Variants in ITGA3 observed in about 807,000 individuals in gnomAD.
ITGA3 encodes integrin subunit alpha 3.
Under a neutral mutation model 131.1 loss-of-function variants are expected in ITGA3, and 70 were observed. The observed-to-expected ratio is 0.53, with a 90% CI of 0.44 to 0.65. The LOEUF is 0.65. ITGA3 is among the 30% of genes least tolerant of loss of function. The probability of loss-of-function intolerance (pLI) is 0.00; values close to 1 mark genes in which losing one functional copy is unlikely to be tolerated. For synonymous variants in ITGA3, 537 were observed against 571.6 expected, an observed-to-expected ratio of 0.94 and a Z score of 0.86; for missense variants, 1,098 against 1,388.6, an observed-to-expected ratio of 0.79 and a Z score of 3.33.
At chr17:50,069,091 G>T (rs1164046714) in intron 4 of ITGA3, among the ~76,000 whole-genome samples, 1 of 151,710 alleles carries the variant, frequency 6.6e-6, no homozygotes, top group African/African-American at 2.4e-5. Flanking sequence ...CTCGTGATCC[G>T]CTCACCTCGG....
chr17:50,066,230 G>C (rs1470134742), intron 3 of ITGA3, among the ~76,000 whole-genome samples: 1 of 151,834 alleles, frequency 6.6e-6, no homozygotes, highest in Non-Finnish European at 1.5e-5. Flanking sequence ...CTGGGCTCAA[G>C]TGATCCTCCT....
chr17:50,088,453 G>A, intron 25 of ITGA3, 87 bp downstream of exon 25: 1 of 694,814 alleles, frequency 1.4e-6, no homozygotes, highest in Non-Finnish European at 2.5e-6. Context: ...TCCCTTATGG[G>A]CCTGCTCTGA....
intron 12 of ITGA3, 54 bp from the exon 13 acceptor site, chr17:50,076,272 C>A: frequency 6.3e-7 from 1 of 1,575,348 alleles, no homozygotes; most frequent in African/African-American, 1.3e-5. Flanking sequence ...TGTGAGGATT[C>A]AGCTGGGGCA....
chr17:50,056,380 C>A lies in ITGA3; in HGVS notation c.-60C>A. ...GGCGCGGGGAGCAGGTGAACAGGTC[C>A]TCACGCCCAGCTCCGCGCCCTCACG... On this transcript the variant is annotated 5_prime_UTR_variant, in exon 1 of 26. Transcript: ENST00000320031. This position sits in a 1 kb window ranked among gnomAD's most constrained non-coding sequence, Gnocchi z 5.6. 2 of 1,280,818 alleles carry A rather than the reference C, an allele frequency of 1.6e-6. No homozygotes were observed. The highest frequency in any genetic ancestry group is 1.7e-5 in the South Asian group (1 of 60,126). 79.3% of individuals were successfully genotyped at this position (1,280,818 alleles called of 1,614,324 possible).
Position 50,071,398 on chromosome 17 carries a change from C to T in ITGA3, c.839C>T (p.Ala280Val), listed in dbSNP as rs141797951. 73 of 1,614,072 alleles carry T rather than the reference C, an allele frequency of 4.5e-5. No individual in the cohort carries two copies. Among genetic ancestry groups the T allele is most frequent in the Middle Eastern group, 1.6e-4 (1 of 6,082 alleles). The change falls in exon 6 of 26, where the codon GCG (alanine) becomes GTG (valine). Residue 280 changes from alanine (A) to valine (V), a missense_variant. Ala to Val is a moderately conservative substitution (Grantham distance 64). Around this residue, in one of 3 missense-constraint regions of ITGA3, gnomAD observed 356 missense variants for 529.2 expected, o/e 0.67. Transcript: ENST00000320031. ...GCCCCACGGCACCGACATATGGGCG[C>T]GGTGTTCTTGCTGAGCCAGGAGGCA... ...TGAPRHRHMG[A>V]VFLLSQEAGG...
chr17:50,073,630 A>ACG (rs1435344749), intron 7 of ITGA3, among the ~76,000 whole-genome samples: 3 of 142,360 alleles, frequency 2.1e-5, no homozygotes, highest in Non-Finnish European at 4.6e-5. Context: ...ACACACACAC[A>ACG]CACGCACACA....
intron 5 of ITGA3, 78 bp from the exon 6 acceptor site, chr17:50,071,233 G>A (rs1048953480): frequency 7.8e-7 from 1 of 1,273,980 alleles, no homozygotes; most frequent in South Asian, 1.3e-5. Context: ...GGCAAGAGAG[G>A]GAATAGGGAG....
chr17:50,089,730 C>G lies in ITGA3; in HGVS notation c.*652C>G, dbSNP rs553754630. ...TCAAAACTACTGACAGGGAGCAGCC[C>G]CCGGGCCGCTGGCTGGTGGGCCCCC... On this transcript the variant is annotated 3_prime_UTR_variant, in exon 26 of 26. Coordinates refer to ENST00000320031, the MANE Select transcript of ITGA3 (RefSeq NM_002204.4). 6 of 172,982 alleles carry G rather than the reference C, an allele frequency of 3.5e-5. No individual in the cohort carries two copies. The highest frequency in any genetic ancestry group is 1.4e-4 in the African/African-American group (6 of 42,534). The allele number at this position is 172,982 out of a possible 1,614,324, so 10.7% of individuals were successfully genotyped here. A position where few individuals can be genotyped will look rare whatever the true frequency, so the allele number is the denominator to read the frequency against.
intron 24 of ITGA3, among the ~76,000 whole-genome samples, 173 bp downstream of exon 24, chr17:50,088,042 G>A (rs1212985560): frequency 6.6e-6 from 1 of 152,056 alleles, no homozygotes; most frequent in Non-Finnish European, 1.5e-5. Flanking sequence ...GCCTGGGTTA[G>A]TGGGGGGAGC....
intron 21 of ITGA3, 83 bp from the exon 22 acceptor site, chr17:50,080,179 G>C (rs1909118614): frequency 1.2e-6 from 1 of 803,198 alleles, no homozygotes. Context: ...ACAAAGCCTG[G>C]AAGGGGCGGG....
Position 50,079,438 on chromosome 17 carries a change from C to A in ITGA3, c.2587C>A (p.Pro863Thr). ...INPLNLTLSD[P>T]GDRPSSPQRR... ...AAATCTCCTATTTCCTCTCCAGGAC[C>A]CTGGGGACAGGCCATCATCCCCACA... Residue 863 changes from proline to threonine, a missense_variant, in exon 21 of 26, where the codon CCT (proline) becomes ACT (threonine). Around this residue, in one of 3 missense-constraint regions of ITGA3, gnomAD observed 699 missense variants for 829.2 expected, o/e 0.84. Transcript: ENST00000320031. 1 of 1,563,106 alleles carries A rather than the reference C, an allele frequency of 6.4e-7. No homozygotes were observed. The highest frequency in any genetic ancestry group is 8.7e-7 in the Non-Finnish European group (1 of 1,153,670).
In ITGA3 at chr17:50,064,573, CTG is replaced by C; in HGVS notation, c.383_384del (p.Val128GlyfsTer40). 6.2e-7 allele frequency: 1 copy of C among 1,613,234 alleles called. No homozygotes were observed. Among genetic ancestry groups the C allele is most frequent in the Non-Finnish European group, 8.5e-7 (1 of 1,179,852 alleles). Reference sequence around the variant, plus strand: ...ATTGAGGACATGTGGCTTGGAGTGACTGTGGCCAGCCAGGGCCCTGCAGGCAG... The same window carrying C: ...ATTGAGGACATGTGGCTTGGAGTGACTGGCCAGCCAGGGCCCTGCAGGCAG... On this transcript the variant is annotated frameshift_variant, in exon 3 of 26. Coordinates refer to ENST00000320031, the MANE Select transcript of ITGA3 (RefSeq NM_002204.4). LOFTEE classifies it high-confidence loss of function. This position sits in a 1 kb window ranked among gnomAD's most constrained non-coding sequence, Gnocchi z 4.4.
At position 50,074,276 on chromosome 17, in the gene ITGA3, C is replaced by G. The variant is rs151126162; in HGVS notation, c.1378C>G (p.Leu460Val). 6.2e-7 allele frequency: 1 copy of G among 1,613,954 alleles called. No individual in the cohort carries two copies. Among genetic ancestry groups the G allele is most frequent in the African/African-American group, 1.3e-5 (1 of 75,060 alleles). ...AAGCCTGTCAGACCACATTGTGCTG[C>G]TGCGGTGAGCCAGGAGGCCAGTGAA... Reference protein sequence around the residue: ...VGSLSDHIVLLRARPVINIVH... With the variant: ...VGSLSDHIVLVRARPVINIVH... The change falls in exon 9 of 26, where the codon CTG (leucine) becomes GTG (valine). Residue 460 changes from leucine (L) to valine (V), a missense_variant. By Grantham distance (32) the Leu-to-Val change is conservative. Coordinates refer to ENST00000320031, the MANE Select transcript of ITGA3 (RefSeq NM_002204.4).
Position 50,064,698 on chromosome 17 carries a change from G to T in ITGA3, c.414+91G>T. ...GAGGAAAGAAGAGGGCAGCAGGGGG[G>T]TCCACGGCGCGTGTGTGCTGGGGCC... On this transcript the variant is annotated intron_variant, in intron 3 of 25. Transcript: ENST00000320031. This position sits in a 1 kb window ranked among gnomAD's most constrained non-coding sequence, Gnocchi z 4.4. 1.9e-6 allele frequency: 2 copies of T among 1,080,592 alleles called. No individual in the cohort carries two copies. The highest frequency in any genetic ancestry group is 2.7e-6 in the Non-Finnish European group (2 of 736,248). The allele number at this position is 1,080,592 out of a possible 1,614,324, so 66.9% of individuals were successfully genotyped here. A position where few individuals can be genotyped will look rare whatever the true frequency, so the allele number is the denominator to read the frequency against.
intron 7 of ITGA3, among the ~76,000 whole-genome samples, chr17:50,073,027 A>G (rs1248327161): frequency 6.6e-6 from 1 of 152,192 alleles, no homozygotes; most frequent in African/African-American, 2.4e-5. Context: ...AATAGGTGCC[A>G]GAAAGTTCAG....
chr17:50,079,245 A>G lies in ITGA3; in HGVS notation c.2570A>G (p.Asn857Ser). 6.2e-7 allele frequency: 1 copy of G among 1,613,552 alleles called. No individual in the cohort carries two copies. Among genetic ancestry groups the G allele is most frequent in the Non-Finnish European group, 8.5e-7 (1 of 1,179,826 alleles). The change falls in exon 20 of 26, where the codon AAC (asparagine) becomes AGC (serine). Residue 857 changes from asparagine to serine, a missense_variant. Asn to Ser is a conservative substitution (Grantham distance 46). This residue lies in a region of ITGA3 where 699 missense variants were observed against 829.2 expected (regional missense o/e 0.84). Coordinates refer to ENST00000320031, the MANE Select transcript of ITGA3 (RefSeq NM_002204.4). ...CCTGGAGACCTTATCAACCCTCTCA[A>G]CCTCACTCTTTCTGTAAGGACACTA... ...RPPGDLINPLNLTLSDPGDRP... is the reference protein window; with the variant it reads ...RPPGDLINPLSLTLSDPGDRP...
intron 22 of ITGA3, chr17:50,080,953 A>G (rs1909161066): frequency 3.9e-6 from 1 of 255,226 alleles, no homozygotes; most frequent in Non-Finnish European, 7.5e-6. Flanking sequence ...CAGTACTGCC[A>G]TTGCACCACA....
rs953701643 is a variant in ITGA3, at chr17:50,064,985, G to A, written c.414+378G>A. 1.1e-4 allele frequency: 20 copies of A among 176,290 alleles called. No individual in the cohort carries two copies. The highest frequency in any genetic ancestry group is 2.0e-4 in the Non-Finnish European group (17 of 84,240). The allele number at this position is 176,290 out of a possible 1,614,324, so 10.9% of individuals were successfully genotyped here. A position where few individuals can be genotyped will look rare whatever the true frequency, so the allele number is the denominator to read the frequency against. On this transcript the variant is annotated intron_variant, in intron 3 of 25. Transcript: ENST00000320031. This position sits in a 1 kb window ranked among gnomAD's most constrained non-coding sequence, Gnocchi z 4.4. ...GCTCCTTCCTGGGAGGCTGACTGCCGGAAGAGGCCCAGCCCTGCTGACCCC... is the reference window on the plus strand; with the variant it reads ...GCTCCTTCCTGGGAGGCTGACTGCCAGAAGAGGCCCAGCCCTGCTGACCCC...
Position 50,079,673 on chromosome 17 carries a change from G to A in ITGA3, c.2706+116G>A, listed in dbSNP as rs372819850. ...AGTGTGATGAGGTGATGAGGCCCCT[G>A]CTCTTGGGAGCCTCCAGACAGAGCA... On this transcript the variant is annotated intron_variant, in intron 21 of 25. Transcript: ENST00000320031. The A allele has an allele frequency of 4.2e-5, 49 of 1,165,700 alleles. No individual in the cohort carries two copies. In the South Asian group the frequency reaches 1.3e-3, roughly 30 times the overall value. 72.2% of individuals were successfully genotyped at this position (1,165,700 alleles called of 1,614,324 possible). A position where few individuals can be genotyped will look rare whatever the true frequency, so the allele number is the denominator to read the frequency against.
Sources: allele counts gnomAD v4.1 joint callset (sites outside exome capture counted in the v4.1 genomes callset), GRCh38; gene constraint gnomAD v4.1.1; regional missense constraint gnomAD v4.1.1; non-coding constraint Gnocchi (gnomAD v3.1); transcripts MANE v1.5; gene names NCBI Gene and HGNC (gene_info 2026-07-23, HGNC 2026-07-21).